Variants in ZBTB20 observed in about 807,000 individuals in gnomAD.
The protein encoded by ZBTB20 is zinc finger and BTB domain-containing protein 20.
ZBTB20 carries 9 observed loss-of-function variants against 56.9 expected under a neutral mutation model. The observed-to-expected ratio is 0.16, with a 90% confidence interval of 0.10 to 0.28. The LOEUF (loss-of-function observed/expected upper bound fraction) is 0.28, where lower values mean the gene tolerates loss of function less well. Ranked by LOEUF, ZBTB20 falls within the 10% of genes least tolerant of loss-of-function variation. The pLI is 1.00. For synonymous variants in ZBTB20, 417 were observed against 420.7 expected, an observed-to-expected ratio of 0.99 and a Z score of 0.11; for missense variants, 655 against 1,003.0, an observed-to-expected ratio of 0.65 and a Z score of 4.69.
intron 6 of ZBTB20, among the ~76,000 whole-genome samples, chr3:114,503,364 G>A (rs1469023952): frequency 1.3e-5 from 2 of 152,132 alleles, no homozygotes; most frequent in Non-Finnish European, 2.9e-5. Flanking sequence ...TTTAATCTCA[G>A]AGTTCTTACA....
chr3:114,981,067 C>T (rs2078306729), intron 2 of ZBTB20, among the ~76,000 whole-genome samples: 1 of 151,754 alleles, frequency 6.6e-6, no homozygotes, highest in Admixed American at 6.6e-5. Flanking sequence ...GTCAGAAGGG[C>T]CTCTGGGACG....
At chr3:114,943,391 C>G (rs1176634465) in intron 3 of ZBTB20, among the ~76,000 whole-genome samples, 1 of 144,796 alleles carries the variant, frequency 6.9e-6, no homozygotes, top group Non-Finnish European at 1.5e-5. Flanking sequence ...AGAACCAAAA[C>G]AAAGAGAAAA....
chr3:115,025,595 G>T (rs923237235), intron 2 of ZBTB20, among the ~76,000 whole-genome samples: 4 of 150,668 alleles, frequency 2.7e-5, no homozygotes, highest in East Asian at 3.9e-4. Flanking sequence ...TGATTCATGG[G>T]ATCACAAAAT....
chr3:114,596,013 G>A (rs928253164), intron 6 of ZBTB20, among the ~76,000 whole-genome samples: 2 of 152,124 alleles, frequency 1.3e-5, no homozygotes, highest in Non-Finnish European at 2.9e-5. Context: ...ACTGAGAAAC[G>A]TTTGAAGATG....
chr3:114,566,092 A>G (rs1158816027), intron 6 of ZBTB20, among the ~76,000 whole-genome samples: 1 of 149,286 alleles, frequency 6.7e-6, no homozygotes, highest in Non-Finnish European at 1.5e-5. Flanking sequence ...TTAGTCTGGC[A>G]CTTCCCCCCT....
rs1264063719 is a variant in ZBTB20 at position 114,552,428 on chromosome 3, GT to G, written c.-294-52038del. Among the ~76,000 whole-genome samples, 1,271 of 146,928 alleles carry G rather than the reference GT, an allele frequency of 8.7e-3. 24 individuals are homozygous for G. Among genetic ancestry groups the G allele is most frequent in the African/African-American group, 0.029 (1,135 of 39,658 alleles). ...TTGAGCTTTTTACTTGACTCTTCCT[GT>G]TTTTTTTTTTTTCCACTTCCCTTAG... is the stretch of plus-strand genomic sequence containing the variant. On this transcript the variant is annotated intron_variant, in intron 6 of 11. Transcript: ENST00000675478.
rs192386963 is a variant in ZBTB20, at chr3:114,844,643, C to T, written c.-416-43469G>A. 4.2e-3 allele frequency among the ~76,000 whole-genome samples: 607 copies of T among 144,382 alleles called. 3 individuals are homozygous for T. Among genetic ancestry groups the T allele is most frequent in the African/African-American group, 0.014 (566 of 39,442 alleles). The allele number at this position is 144,382 out of a possible 152,430, so 94.7% of individuals were successfully genotyped here. On this transcript the variant is annotated intron_variant, in intron 4 of 11. Coordinates refer to ENST00000675478, the MANE Select transcript of ZBTB20 (RefSeq NM_001348800.3). ...AACTTTTTAAAAACTGTCAGACTGT[C>T]TCTAAAGTGGCTGTACCATTTTACT...
intron 7 of ZBTB20, among the ~76,000 whole-genome samples, chr3:114,398,327 T>G (rs113558547): frequency 2.0e-5 from 3 of 152,248 alleles, no homozygotes; most frequent in African/African-American, 7.2e-5. Flanking sequence ...CACAGTAGGA[T>G]GTTATAACCA....
At chr3:114,857,023 G>C (rs1162965890) in intron 4 of ZBTB20, among the ~76,000 whole-genome samples, 1 of 152,130 alleles carries the variant, frequency 6.6e-6, no homozygotes, top group Non-Finnish European at 1.5e-5. Flanking sequence ...TACCAAGCTA[G>C]ATTGATTGCA....
chr3:114,621,323 A>C (rs2058304568), intron 6 of ZBTB20, among the ~76,000 whole-genome samples: 1 of 152,170 alleles, frequency 6.6e-6, no homozygotes, highest in Non-Finnish European at 1.5e-5. Context: ...CATTTCATTT[A>C]TGGTCATTAT....
intron 5 of ZBTB20, among the ~76,000 whole-genome samples, chr3:114,746,736 T>C (rs1217948300): frequency 1.3e-5 from 2 of 152,238 alleles, no homozygotes; most frequent in Admixed American, 1.3e-4. Context: ...TGTGGCGTCA[T>C]GCTAGCAGAG....
chr3:114,451,744 C>T lies in ZBTB20; in HGVS notation c.-255+48608G>A, dbSNP rs146213815. ...ATATGATATCTGATAGTGCAGGACACGTCGCCAAGAACTGGAGCGGATTGC... is the reference window on the plus strand; with the variant it reads ...ATATGATATCTGATAGTGCAGGACATGTCGCCAAGAACTGGAGCGGATTGC... On this transcript the variant is annotated intron_variant, in intron 7 of 11. Transcript: ENST00000675478. Among the ~76,000 whole-genome samples the T allele has an allele frequency of 8.5e-5, 13 of 152,246 alleles. No homozygotes were observed. In the East Asian group the frequency reaches 1.5e-3, roughly 18 times the overall value.
chr3:114,878,138 T>G (rs1252149511), intron 4 of ZBTB20, among the ~76,000 whole-genome samples: 3 of 152,200 alleles, frequency 2.0e-5, no homozygotes, highest in Non-Finnish European at 2.9e-5. Flanking sequence ...TCCCTGAATC[T>G]ACTACAATTT....
chr3:114,650,508 G>T (rs1340365637), intron 6 of ZBTB20, among the ~76,000 whole-genome samples: 2 of 151,896 alleles, frequency 1.3e-5, no homozygotes, highest in South Asian at 4.1e-4. Context: ...TTCCCATGAA[G>T]ATCAAGAAAA....
chr3:114,843,777 A>G (rs1006702836), intron 4 of ZBTB20, among the ~76,000 whole-genome samples: 1 of 151,926 alleles, frequency 6.6e-6, no homozygotes. Context: ...CCCAGGTTCA[A>G]GTGATTCTCC....
intron 5 of ZBTB20, among the ~76,000 whole-genome samples, chr3:114,748,748 T>C (rs2067315509): frequency 6.6e-6 from 1 of 152,158 alleles, no homozygotes; most frequent in Non-Finnish European, 1.5e-5. Context: ...TAGATATCCC[T>C]ATTCTGATGA....
chr3:115,000,446 G>A (rs2079201532), intron 2 of ZBTB20, among the ~76,000 whole-genome samples: 1 of 151,494 alleles, frequency 6.6e-6, no homozygotes. Context: ...ACAGTTTCCT[G>A]TTAGTTTTGT....
At chr3:115,056,811 G>A (rs927663465) in intron 2 of ZBTB20, among the ~76,000 whole-genome samples, 1 of 151,980 alleles carries the variant, frequency 6.6e-6, no homozygotes, top group Non-Finnish European at 1.5e-5. Context: ...TCATTATAGG[G>A]TGTTTGGGCT....
At chr3:114,508,783 G>A (rs2044966417) in intron 6 of ZBTB20, among the ~76,000 whole-genome samples, 1 of 152,142 alleles carries the variant, frequency 6.6e-6, no homozygotes, top group African/African-American at 2.4e-5. Flanking sequence ...ATGAATCAAA[G>A]AGTCAGCTAT....
Sources: allele counts gnomAD v4.1 joint callset (sites outside exome capture counted in the v4.1 genomes callset), GRCh38; gene constraint gnomAD v4.1.1; transcripts MANE v1.5; gene names NCBI Gene and HGNC (gene_info 2026-07-23, HGNC 2026-07-21).